The following SGO1 variants were observed in gnomAD, a reference collection of about 807,000 sequenced individuals.
SGO1 encodes shugoshin 1.
Under a neutral mutation model 50.5 loss-of-function variants are expected in SGO1, and 39 were observed. The observed-to-expected ratio is 0.77, with a 90% CI of 0.60 to 1.01. The LOEUF (loss-of-function observed/expected upper bound fraction) is 1.01, where lower values mean the gene tolerates loss of function less well. Among genes scored for constraint, SGO1 ranks in the 50% least tolerant of loss-of-function variants. SGO1 has a pLI of 0.00. For missense variants in SGO1, 638 were observed against 606.0 expected (o/e 1.05, Z -0.55); for synonymous variants, 191 against 205.1 (o/e 0.93, Z 0.59).
downstream of SGO1, among the ~76,000 whole-genome samples, chr3:20,164,559 A>G (rs1700198357): frequency 6.6e-6 from 1 of 152,196 alleles, no homozygotes; most frequent in South Asian, 2.1e-4. Flanking sequence ...CCCCTATTCA[A>G]CATTATGGAG....
At position 20,174,723 on chromosome 3, in the gene SGO1, CTTT is replaced by C; in HGVS notation, c.805_807del (p.Lys269del). On this transcript the variant is annotated inframe_deletion, in exon 6 of 8. Transcript: ENST00000412997. Reference sequence around the variant, plus strand: ...TCAGATTTAGATTCTAAAATGTCTTCTTTTGTTTTAGTAAACGTTCCTGGCTGA... The same window carrying C: ...TCAGATTTAGATTCTAAAATGTCTTCTGTTTTAGTAAACGTTCCTGGCTGA... 1 of 1,613,756 alleles carries C rather than the reference CTTT, an allele frequency of 6.2e-7. No individual in the cohort carries two copies. Among genetic ancestry groups the C allele is most frequent in the Non-Finnish European group, 8.5e-7 (1 of 1,179,986 alleles).
chr3:20,179,202 AG>A (rs955215820), intron 3 of SGO1, among the ~76,000 whole-genome samples: 6 of 152,202 alleles, frequency 3.9e-5, no homozygotes, highest in Non-Finnish European at 7.3e-5. Context: ...AAAGGAAGGT[AG>A]GAAGTATACA....
At position 20,170,004 on chromosome 3, in the gene SGO1, A is replaced by T; in HGVS notation, c.*700T>A. ...TTTCAAAAGATCCTCTTAGAAAATC[A>T]TTCACTTTAGTATCCCCTACTTAAG... On this transcript the variant is annotated 3_prime_UTR_variant, in exon 8 of 8. Coordinates refer to ENST00000412997, the MANE Select transcript of SGO1 (RefSeq NM_001199251.3). 1 of 984,982 alleles carries T rather than the reference A, an allele frequency of 1.0e-6. No individual in the cohort carries two copies. The highest frequency in any genetic ancestry group is 1.7e-5 in the African/African-American group (1 of 57,372). 61.0% of individuals were successfully genotyped at this position (984,982 alleles called of 1,614,324 possible).
intron 3 of SGO1, 106 bp downstream of exon 3, chr3:20,183,502 A>G: frequency 1.1e-6 from 1 of 937,750 alleles, no homozygotes; most frequent in Non-Finnish European, 1.6e-6. Context: ...TAAACAATTC[A>G]TGCATAACTG....
chr3:20,162,880 A>G (rs1700112368), intron 8 of SGO1, among the ~76,000 whole-genome samples: 1 of 151,994 alleles, frequency 6.6e-6, no homozygotes, highest in Non-Finnish European at 1.5e-5. Flanking sequence ...AGAAGAAACT[A>G]TCCAAAATGA....
At chr3:20,178,652 A>G (rs1701668107) in intron 3 of SGO1, among the ~76,000 whole-genome samples, 1 of 152,238 alleles carries the variant, frequency 6.6e-6, no homozygotes, top group Non-Finnish European at 1.5e-5. Context: ...TGCTCTTTTA[A>G]ATACAGTGAA....
At chr3:20,184,819 C>T (rs555252245) in intron 1 of SGO1, among the ~76,000 whole-genome samples, 120 of 133,460 alleles carry the variant, frequency 9.0e-4, no homozygotes, top group Middle Eastern at 3.4e-3. Context: ...TATACTTAAT[C>T]TTTCAACGTT....
intron 3 of SGO1, among the ~76,000 whole-genome samples, chr3:20,178,720 G>T (rs1392850063): frequency 6.6e-6 from 1 of 152,182 alleles, no homozygotes; most frequent in Non-Finnish European, 1.5e-5. Flanking sequence ...AGGAGGAAAA[G>T]AAGGCAGTGG....
At chr3:20,184,067 A>G (rs753635487) in intron 1 of SGO1, 33 bp from the exon 2 acceptor site, 2 of 1,493,934 alleles carry the variant, frequency 1.3e-6, no homozygotes, top group South Asian at 2.6e-5. Context: ...TCTCAGAGAG[A>G]ATATTATCAA....
At chr3:20,165,812 G>A (rs1157096858), downstream of SGO1, among the ~76,000 whole-genome samples, 13 of 152,214 alleles carry the variant, frequency 8.5e-5, no homozygotes, top group Admixed American at 8.5e-4. Flanking sequence ...AGCACTTTGG[G>A]AGGCCAAGGC....
In SGO1 at chr3:20,170,889, TG is replaced by T. The variant is rs1575194221; in HGVS notation, c.1473-75del. ...TAACTTACTCTTCCCTACCAAGTTA[TG>T]GTAAAACACACCAATTTTAAATGTT... is the stretch of plus-strand genomic sequence containing the variant. On this transcript the variant is annotated intron_variant, in intron 7 of 7. Coordinates refer to ENST00000412997, the MANE Select transcript of SGO1 (RefSeq NM_001199251.3). The T allele has an allele frequency of 2.4e-5, 37 of 1,526,154 alleles. No individual in the cohort carries two copies. The East Asian group carries it at 8.6e-4, about 36-fold the overall frequency. 94.5% of individuals were successfully genotyped at this position (1,526,154 alleles called of 1,614,324 possible).
intron 5 of SGO1, among the ~76,000 whole-genome samples, chr3:20,175,861 T>C (rs1701332990): frequency 6.6e-6 from 1 of 152,104 alleles, no homozygotes; most frequent in African/African-American, 2.4e-5. Context: ...ATAGTCTATA[T>C]GTATCATTGA....
At chr3:20,172,211 C>A (rs1162993843) in intron 6 of SGO1, among the ~76,000 whole-genome samples, 2 of 152,156 alleles carry the variant, frequency 1.3e-5, no homozygotes, top group African/African-American at 4.8e-5. Context: ...CACAGGAGGA[C>A]TTCTTAATGG....
chr3:20,161,130 A>C (rs766371005), exon 9 of SGO1: 11 of 1,613,912 alleles, frequency 6.8e-6, no homozygotes, highest in Middle Eastern at 1.6e-4. Flanking sequence ...GTGGGTTTCA[A>C]GTTTACATTT....
chr3:20,165,958 C>A (rs532821064), downstream of SGO1, among the ~76,000 whole-genome samples: 207 of 152,194 alleles, frequency 1.4e-3, no homozygotes, highest in African/African-American at 4.1e-3. Flanking sequence ...GAGGCTGAGA[C>A]AGGAGAATCG....
chr3:20,166,528 C>G (rs1700310609), downstream of SGO1, among the ~76,000 whole-genome samples: 2 of 151,842 alleles, frequency 1.3e-5, no homozygotes, highest in South Asian at 4.2e-4. Flanking sequence ...CTGGAACAGT[C>G]AAATTCATAG....
At chr3:20,172,948 A>T (rs1700936936) in intron 6 of SGO1, among the ~76,000 whole-genome samples, 1 of 152,148 alleles carries the variant, frequency 6.6e-6, no homozygotes, top group South Asian at 2.1e-4. Context: ...CCGAGGTGAT[A>T]GAGCAAGACC....
chr3:20,178,382 T>A, intron 3 of SGO1, 35 bp from the exon 4 acceptor site: 1 of 1,423,922 alleles, frequency 7.0e-7, no homozygotes, highest in Non-Finnish European at 9.9e-7. Context: ...CTGTTATAAC[T>A]GAAGTATTCA....
chr3:20,164,667 C>T (rs575057288), downstream of SGO1, among the ~76,000 whole-genome samples: 34 of 150,762 alleles, frequency 2.3e-4, no homozygotes, highest in Middle Eastern at 3.4e-3. Context: ...AGATCATATA[C>T]AAAAAAAAAT....
Sources: gnomAD v4.1 joint callset for allele counts (sites outside exome capture counted in the v4.1 genomes callset) on GRCh38, gnomAD v4.1.1 for gene constraint, MANE v1.5 for transcripts, NCBI Gene and HGNC (gene_info 2026-07-23, HGNC 2026-07-21) for gene names.